The following BLTP3A variants were observed in gnomAD, a reference collection of about 807,000 sequenced individuals.
BLTP3A encodes the protein bridge-like lipid transfer protein family member 3A, also known as ICBP90 binding protein 1.
At chr6:34,812,328 TAAAA>T in the BLTP3A span, among the ~76,000 whole-genome samples, 2 of 140,638 alleles carry the variant, frequency 1.4e-5, no homozygotes, top group African/African-American at 5.2e-5. Flanking sequence ...AACTCCGTCT[TAAAA>T]AAAAAAAAAA....
chr6:34,808,346 CAA>C, the BLTP3A span, among the ~76,000 whole-genome samples: 394 of 26,638 alleles, frequency 0.015, no homozygotes, highest in African/African-American at 0.051. Context: ...AACTCCGTCT[CAA>C]AAAAAAAAAA....
chr6:34,870,865 C>G, the BLTP3A span: 1 of 1,614,122 alleles, frequency 6.2e-7, no homozygotes, highest in Non-Finnish European at 8.5e-7. Flanking sequence ...TACATGCTTT[C>G]AGGAATCCTC....
At chr6:34,839,718 G>A in the BLTP3A span, among the ~76,000 whole-genome samples, 7 of 152,200 alleles carry the variant, frequency 4.6e-5, no homozygotes, top group African/African-American at 7.2e-5. Flanking sequence ...CAGCTCTCTC[G>A]CACTGGCCCG....
chr6:34,792,232 C>A, the BLTP3A span: 2 of 1,533,688 alleles, frequency 1.3e-6, no homozygotes, highest in African/African-American at 1.4e-5. Context: ...CCGCCTTCCA[C>A]GCGGGCCGCG....
the BLTP3A span, among the ~76,000 whole-genome samples, chr6:34,816,318 A>G: frequency 6.6e-6 from 1 of 152,184 alleles, no homozygotes; most frequent in African/African-American, 2.4e-5. Context: ...CTTTTCTTTA[A>G]AAGTGGCTGG....
At chr6:34,865,504 A>G in the BLTP3A span, among the ~76,000 whole-genome samples, 7 of 152,258 alleles carry the variant, frequency 4.6e-5, no homozygotes, top group Non-Finnish European at 1.0e-4. Flanking sequence ...TAGTAAACAC[A>G]GGAATGGAGA....
At chr6:34,845,225 G>A in the BLTP3A span, among the ~76,000 whole-genome samples, 1,287 of 152,214 alleles carry the variant, frequency 8.5e-3, 19 homozygotes, top group African/African-American at 0.027. Context: ...CTATATGTCT[G>A]TTTTTATGCC....
the BLTP3A span, chr6:34,858,947 T>C: frequency 1.2e-6 from 2 of 1,614,158 alleles, 1 homozygote; most frequent in East Asian, 4.5e-5. Context: ...GGGTCTCCCC[T>C]GCAGAATCAG....
chr6:34,811,952 A>G, the BLTP3A span, among the ~76,000 whole-genome samples: 1 of 152,282 alleles, frequency 6.6e-6, no homozygotes, highest in Admixed American at 6.5e-5. Flanking sequence ...ACTTGAGCTC[A>G]GGAGGTTGAG....
chr6:34,863,622 G>T, the BLTP3A span, among the ~76,000 whole-genome samples: 2 of 152,210 alleles, frequency 1.3e-5, no homozygotes, highest in Admixed American at 1.3e-4. Flanking sequence ...GCCTAGTATG[G>T]TGCCTTACAT....
At chr6:34,857,503 G>T in the BLTP3A span, 3 of 1,600,820 alleles carry the variant, frequency 1.9e-6, no homozygotes. Flanking sequence ...TTTCTGTCTA[G>T]CTCATGCTTT....
At chr6:34,845,706 C>T in the BLTP3A span, among the ~76,000 whole-genome samples, 1 of 152,054 alleles carries the variant, frequency 6.6e-6, no homozygotes, top group African/African-American at 2.4e-5. Context: ...ACGCCATTCT[C>T]CTGCCTCAGC....
chr6:34,872,335 A>G, the BLTP3A span: 1 of 1,610,330 alleles, frequency 6.2e-7, no homozygotes, highest in Non-Finnish European at 8.5e-7. Context: ...CCTATCCTAC[A>G]AAAAGAACTT....
chr6:34,831,747 C>G, the BLTP3A span, among the ~76,000 whole-genome samples: 1 of 152,164 alleles, frequency 6.6e-6, no homozygotes. Flanking sequence ...TATTTTCCCC[C>G]TGCACTGTCA....
chr6:34,857,607 A>G, the BLTP3A span: 2 of 1,453,634 alleles, frequency 1.4e-6, no homozygotes, highest in Non-Finnish European at 9.4e-7. Flanking sequence ...TTTGTTAAAC[A>G]CTCTGCCCTG....
chr6:34,823,162 C>A, the BLTP3A span: 2 of 1,048,432 alleles, frequency 1.9e-6, no homozygotes, highest in Non-Finnish European at 3.0e-6. Flanking sequence ...CTTGACTAGG[C>A]TCTGGAGCAC....
chr6:34,834,139 T>C, the BLTP3A span: 7 of 1,412,328 alleles, frequency 5.0e-6, no homozygotes, highest in Non-Finnish European at 6.8e-6. Context: ...CATTATAAAA[T>C]AATTTAAACA....
the BLTP3A span, among the ~76,000 whole-genome samples, chr6:34,852,834 A>G: frequency 6.6e-6 from 1 of 152,328 alleles, no homozygotes; most frequent in South Asian, 2.1e-4. Context: ...AACTCAGGTA[A>G]TAACCTCTAA....
the BLTP3A span, among the ~76,000 whole-genome samples, chr6:34,810,666 A>G: frequency 6.6e-6 from 1 of 152,074 alleles, no homozygotes; most frequent in Admixed American, 6.6e-5. Flanking sequence ...GATGGGTCTC[A>G]CTATGTTGCC....
Sources: allele counts gnomAD v4.1 joint callset (sites outside exome capture counted in the v4.1 genomes callset), GRCh38; gene constraint gnomAD v4.1.1; transcripts MANE v1.5; gene names NCBI Gene and HGNC (gene_info 2026-07-23, HGNC 2026-07-21).